The following LEF1 variants were observed in gnomAD, a reference collection of about 807,000 sequenced individuals.
LEF1 encodes lymphoid enhancer binding factor 1, also known as lymphoid enhancer-binding factor 1.
LEF1 carries 14 observed loss-of-function variants against 51.2 expected under a neutral mutation model. That is an observed-to-expected ratio of 0.27 (90% confidence interval 0.18 to 0.43). The LOEUF (loss-of-function observed/expected upper bound fraction) is 0.43. LEF1 is among the 20% of genes least tolerant of loss of function. The pLI, the probability that LEF1 is intolerant of heterozygous loss-of-function variation, is 1.00. For synonymous variants in LEF1, 185 were observed against 183.2 expected (o/e 1.01, Z -0.08); for missense variants, 386 against 512.0 (o/e 0.75, Z 2.37).
chr4:108,049,588 G>C (rs1156352736), intron 11 of LEF1, among the ~76,000 whole-genome samples: 2 of 152,152 alleles, frequency 1.3e-5, no homozygotes, highest in Admixed American at 6.5e-5. Flanking sequence ...TTTGAACTTG[G>C]GGAGGCTGCT....
chr4:108,078,545 T>C (rs1296767005), intron 7 of LEF1, 163 bp from the exon 8 acceptor site: 2 of 819,370 alleles, frequency 2.4e-6, no homozygotes, highest in Non-Finnish European at 4.0e-6. Context: ...TATTGACTCA[T>C]TTGACAAAAC....
intron 3 of LEF1, among the ~76,000 whole-genome samples, chr4:108,141,684 G>A (rs955952105): frequency 5.3e-5 from 8 of 152,120 alleles, no homozygotes; most frequent in Non-Finnish European, 1.5e-5. Context: ...GTGCGCCCTG[G>A]GAATATGGAA....
chr4:108,131,098 C>T (rs894936572), intron 3 of LEF1, among the ~76,000 whole-genome samples: 7 of 151,920 alleles, frequency 4.6e-5, no homozygotes, highest in Non-Finnish European at 1.0e-4. Flanking sequence ...CCTCAGCCGC[C>T]AGAGCAGCTG....
intron 9 of LEF1, among the ~76,000 whole-genome samples, chr4:108,069,197 A>T (rs1465515361): frequency 1.3e-5 from 2 of 152,190 alleles, no homozygotes; most frequent in African/African-American, 4.8e-5. Context: ...ACCTGCCTGC[A>T]CCTTAATCCT....
chr4:108,082,092 T>C (rs1426325176), intron 5 of LEF1, among the ~76,000 whole-genome samples: 6 of 152,078 alleles, frequency 3.9e-5, no homozygotes, highest in African/African-American at 7.2e-5. Context: ...AAGAAGAAAA[T>C]AAAACTGTAT....
intron 3 of LEF1, among the ~76,000 whole-genome samples, chr4:108,098,670 T>C (rs1375554208): frequency 6.6e-6 from 1 of 152,186 alleles, no homozygotes; most frequent in Non-Finnish European, 1.5e-5. Flanking sequence ...ATAAGTGCCA[T>C]ATATATACAG....
chr4:108,167,736 C>A lies in LEF1; in HGVS notation c.32G>T (p.Gly11Val). Residue 11 changes from glycine (G) to valine (V), a missense_variant, in exon 1 of 12, where the codon GGC (glycine) becomes GTC (valine). Gly to Val is a moderately radical substitution (Grantham distance 109). This residue lies in a region of LEF1 where 335 missense variants were observed against 390.7 expected (regional missense o/e 0.86). Transcript: ENST00000265165. The surrounding 1 kb of genome is among the most constrained non-coding windows in gnomAD (Gnocchi z 5.7). ...GGCGCAGAGTTCCGGGTCCCCCCCGCCGCCGCCACCTCCTCCGGAGAGTTG... is the reference window on the plus strand; with the variant it reads ...GGCGCAGAGTTCCGGGTCCCCCCCGACGCCGCCACCTCCTCCGGAGAGTTG... MPQLSGGGGG[G>V]GGDPELCATD... The A allele has an allele frequency of 6.2e-7, 1 of 1,613,508 alleles. No individual in the cohort carries two copies. Among genetic ancestry groups the A allele is most frequent in the Non-Finnish European group, 8.5e-7 (1 of 1,180,024 alleles).
At chr4:108,143,305 T>C (rs748141425) in intron 3 of LEF1, among the ~76,000 whole-genome samples, 1 of 152,194 alleles carries the variant, frequency 6.6e-6, no homozygotes, top group East Asian at 1.9e-4. Flanking sequence ...GAATTCAGAA[T>C]TGCAAAAGCA....
At chr4:108,081,895 A>G (rs780370018) in intron 5 of LEF1, among the ~76,000 whole-genome samples, 4 of 152,150 alleles carry the variant, frequency 2.6e-5, no homozygotes, top group Admixed American at 1.3e-4. Context: ...CTTTGAAACA[A>G]ACCATCCATG....
At position 108,074,317 on chromosome 4, in the gene LEF1, T is replaced by C. The variant is rs189681089; in HGVS notation, c.1009-3547A>G. Among the ~76,000 whole-genome samples the C allele has an allele frequency of 7.6e-3, 1,159 of 152,320 alleles. 5 individuals carry two copies. The highest frequency in any genetic ancestry group is 9.7e-3 in the Non-Finnish European group (660 of 68,030). ...CACCAAGTTGTGGGGAAAATATCCA[T>C]TTAATTTGAATAAACTTGTACAGTT... is the stretch of plus-strand genomic sequence containing the variant. On this transcript the variant is annotated intron_variant, in intron 8 of 11. Transcript: ENST00000265165.
chr4:108,167,834 G>C lies in LEF1; in HGVS notation c.-67C>G. The C allele has an allele frequency of 7.2e-7, 1 of 1,390,746 alleles. No individual in the cohort carries two copies. The highest frequency in any genetic ancestry group is 1.0e-6 in the Non-Finnish European group (1 of 998,502). 86.2% of individuals were successfully genotyped at this position (1,390,746 alleles called of 1,614,324 possible). ...GCGCAACAGCAGGAAAGACAGAGGGGTAACTCAAGGGTGGGGGAGGAAAGG... is the reference window on the plus strand; with the variant it reads ...GCGCAACAGCAGGAAAGACAGAGGGCTAACTCAAGGGTGGGGGAGGAAAGG... On this transcript the variant is annotated 5_prime_UTR_variant, in exon 1 of 12. Coordinates refer to ENST00000265165, the MANE Select transcript of LEF1 (RefSeq NM_016269.5). The surrounding 1 kb of genome is among the most constrained non-coding windows in gnomAD (Gnocchi z 5.7).
At position 108,078,322 on chromosome 4, in the gene LEF1, A is replaced by C. The variant is rs1481656849; in HGVS notation, c.906T>G (p.Pro302=). The C allele has an allele frequency of 8.7e-6, 14 of 1,613,984 alleles. No individual in the cohort carries two copies. The highest frequency in any genetic ancestry group is 2.7e-5 in the African/African-American group (2 of 74,884). ...QEPKRPHIKK[P]LNAFMLYMKE... is the part of the protein sequence containing the mutation. ...TCATGTATAACATAAAAGCATTCAG[A>C]GGCTTCTTAATGTGAGGTCTTTTTG... The change falls in exon 8 of 12, where the codon CCT becomes CCG. Residue 302 remains proline, a synonymous_variant. Transcript: ENST00000265165.
At chr4:108,099,404 A>C (rs1057447361) in intron 3 of LEF1, among the ~76,000 whole-genome samples, 5 of 151,246 alleles carry the variant, frequency 3.3e-5, no homozygotes, top group African/African-American at 1.2e-4. Context: ...CTTATGGGTA[A>C]AAAAACTGAA....
chr4:108,135,750 T>C (rs1276052240), intron 3 of LEF1, among the ~76,000 whole-genome samples: 1 of 152,166 alleles, frequency 6.6e-6, no homozygotes, highest in African/African-American at 2.4e-5. Context: ...AGTGGAGACT[T>C]GTAGCCCTCC....
intron 3 of LEF1, chr4:108,104,544 G>A (rs1192446058): frequency 6.4e-6 from 1 of 156,454 alleles, no homozygotes; most frequent in Non-Finnish European, 1.4e-5. Flanking sequence ...AATTTCACAT[G>A]TAGTGATGAC....
chr4:108,144,818 G>A (rs1743893455), intron 3 of LEF1, among the ~76,000 whole-genome samples: 1 of 118,982 alleles, frequency 8.4e-6, no homozygotes, highest in African/African-American at 3.3e-5. Context: ...AGGTGATTCT[G>A]AGCAATCTGC....
rs568833326 is a variant in LEF1 at position 108,071,589 on chromosome 4, G to C, written c.1009-819C>G. On this transcript the variant is annotated intron_variant, in intron 8 of 11. Coordinates refer to ENST00000265165, the MANE Select transcript of LEF1 (RefSeq NM_016269.5). ...ACATATAACAAAGTCATTTATGTAG[G>C]AAAGGTATCTGGGATTTTAAGGGGT... 3 of 152,322 alleles carry C rather than the reference G, an allele frequency of 2.0e-5. No homozygotes were observed. The South Asian group carries it at 6.2e-4, about 32-fold the overall frequency. The allele number at this position is 152,322 out of a possible 1,614,324, so 9.4% of individuals were successfully genotyped here.
At chr4:108,073,944 G>C (rs1475718140) in intron 8 of LEF1, among the ~76,000 whole-genome samples, 1 of 151,522 alleles carries the variant, frequency 6.6e-6, no homozygotes, top group African/African-American at 2.4e-5. Context: ...TCCTGCCTCA[G>C]CCTCCCTAGT....
intron 3 of LEF1, among the ~76,000 whole-genome samples, chr4:108,151,851 C>T (rs1435391331): frequency 1.3e-5 from 2 of 152,132 alleles, no homozygotes; most frequent in Admixed American, 1.3e-4. Flanking sequence ...TAAGAGATTC[C>T]ATTTAAATAC....
Sources: gnomAD v4.1 joint callset for allele counts (sites outside exome capture counted in the v4.1 genomes callset) on GRCh38, gnomAD v4.1.1 for gene constraint, gnomAD v4.1.1 regional missense constraint, Gnocchi (gnomAD v3.1) non-coding constraint, MANE v1.5 for transcripts, NCBI Gene and HGNC (gene_info 2026-07-23, HGNC 2026-07-21) for gene names.